Variants in KCNC2 observed in about 807,000 individuals in gnomAD.
KCNC2 encodes the protein potassium voltage-gated channel subfamily C member 2.
In KCNC2, 21 loss-of-function variants were observed where a neutral mutation model predicts 44.5. The observed-to-expected ratio is 0.47, with a 90% CI of 0.33 to 0.68. The LOEUF is 0.68. Among genes scored for constraint, KCNC2 ranks in the 30% least tolerant of loss-of-function variants. The pLI, the probability that KCNC2 is intolerant of heterozygous loss-of-function variation, is 0.01. For synonymous variants in KCNC2, 391 were observed against 339.1 expected (o/e 1.15, Z -1.68); for missense variants, 589 against 826.2 (o/e 0.71, Z 3.52).
intron 4 of KCNC2, among the ~76,000 whole-genome samples, chr12:75,046,541 C>T (rs1354304118): frequency 6.6e-6 from 1 of 151,610 alleles, no homozygotes; most frequent in Non-Finnish European, 1.5e-5. Context: ...ATATACATTG[C>T]ATATAGTGAT....
At chr12:75,129,687 T>C (rs1888692207) in intron 2 of KCNC2, among the ~76,000 whole-genome samples, 1 of 152,116 alleles carries the variant, frequency 6.6e-6, no homozygotes, top group Non-Finnish European at 1.5e-5. Flanking sequence ...GAAATCTCTT[T>C]CATGATGTGG....
chr12:75,148,448 A>G lies in KCNC2; in HGVS notation c.687+58849T>C, dbSNP rs116202336. Among the ~76,000 whole-genome samples, 1,034 of 152,150 alleles carry G rather than the reference A, an allele frequency of 6.8e-3. 10 individuals are homozygous for G. Among genetic ancestry groups the G allele is most frequent in the African/African-American group, 0.023 (968 of 41,566 alleles). ...AGGAGGTCTGCCTGCCCCTAGCTGT[A>G]TAAATGATAAACTGGAAATATTTGT... On this transcript the variant is annotated intron_variant, in intron 2 of 4. Coordinates refer to ENST00000549446, the MANE Select transcript of KCNC2 (RefSeq NM_139137.4).
chr12:75,119,309 AG>A (rs2137278324), intron 2 of KCNC2, among the ~76,000 whole-genome samples: 2 of 152,314 alleles, frequency 1.3e-5, no homozygotes, highest in South Asian at 4.2e-4. Flanking sequence ...TTCAAAATGT[AG>A]GTTTTGTTTA....
intron 2 of KCNC2, among the ~76,000 whole-genome samples, chr12:75,123,583 G>A (rs571334188): frequency 6.6e-6 from 1 of 152,084 alleles, no homozygotes; most frequent in Non-Finnish European, 1.5e-5. Flanking sequence ...TTTTTCCTAG[G>A]GAACATCCCA....
rs564692520 is a variant in KCNC2 at position 75,054,224 on chromosome 12, T to A, written c.688-2907A>T. Among the ~76,000 whole-genome samples, 181 of 149,772 alleles carry A rather than the reference T, an allele frequency of 1.2e-3. 1 individual carries two copies. Among genetic ancestry groups the A allele is most frequent in the Non-Finnish European group, 2.1e-3 (145 of 67,642 alleles). On this transcript the variant is annotated intron_variant, in intron 2 of 4. Transcript: ENST00000549446. ...CTGGGCAACAGAGAGAGACTCTGTC[T>A]CCAATTAAAAAAAAAAAAAACAGCC...
rs972809303 is a variant in KCNC2, at chr12:75,208,142, G to A, written c.-19-140C>T. 7.6e-6 allele frequency: 7 copies of A among 924,906 alleles called. No individual in the cohort carries two copies. The African/African-American group carries it at 1.0e-4, about 14-fold the overall frequency. 57.3% of individuals were successfully genotyped at this position (924,906 alleles called of 1,614,324 possible). ...GGGGCAAAGACCCTCCCCGGGAGGG[G>A]ATCAGCGTCCAGCGCTGTCCCCGCC... On this transcript the variant is annotated intron_variant, in intron 1 of 4. Transcript: ENST00000549446.
rs2030974753 is a variant in KCNC2, at chr12:75,198,608, A to T, written c.687+8689T>A. Among the ~76,000 whole-genome samples the T allele has an allele frequency of 5.3e-5, 8 of 151,986 alleles. No homozygotes were observed. The South Asian group carries it at 1.7e-3, about 31-fold the overall frequency. The stretch of plus-strand genomic sequence containing the variant: ...CCAATTTTACTACTTTTATCTAAAA[A>T]TTAATACATCAACATCGGTAAGGAA... On this transcript the variant is annotated intron_variant, in intron 2 of 4. Transcript: ENST00000549446.
chr12:75,178,564 CA>C (rs556344423), intron 2 of KCNC2, among the ~76,000 whole-genome samples: 25 of 152,000 alleles, frequency 1.6e-4, no homozygotes, highest in Non-Finnish European at 3.2e-4. Flanking sequence ...GTCAAAACCC[CA>C]AATTTGGAAA....
chr12:75,194,340 A>T (rs906423869), intron 2 of KCNC2, among the ~76,000 whole-genome samples: 2 of 152,212 alleles, frequency 1.3e-5, no homozygotes, highest in African/African-American at 4.8e-5. Context: ...ATGGAGATGC[A>T]TCTACAGCCA....
intron 2 of KCNC2, among the ~76,000 whole-genome samples, chr12:75,190,232 C>T (rs1460485821): frequency 2.6e-5 from 4 of 152,206 alleles, no homozygotes; most frequent in African/African-American, 7.2e-5. Context: ...TCTAGGCCCT[C>T]TTTCAATAGC....
At chr12:75,145,585 A>G (rs913004607) in intron 2 of KCNC2, among the ~76,000 whole-genome samples, 3 of 151,872 alleles carry the variant, frequency 2.0e-5, no homozygotes, top group Non-Finnish European at 4.4e-5. Context: ...CCATTCCTTG[A>G]TCATCATCTG....
chr12:75,112,565 T>A (rs1297305467), intron 2 of KCNC2, among the ~76,000 whole-genome samples: 1 of 152,054 alleles, frequency 6.6e-6, no homozygotes, highest in African/African-American at 2.4e-5. Context: ...TCTGATCCAG[T>A]ATTTCCTTTC....
At chr12:75,136,276 G>A in intron 2 of KCNC2, among the ~76,000 whole-genome samples, 1 of 151,220 alleles carries the variant, frequency 6.6e-6, no homozygotes. Context: ...GCACCTCAAG[G>A]AACTAGAAAA....
intron 2 of KCNC2, among the ~76,000 whole-genome samples, chr12:75,159,381 T>A (rs77755271): frequency 0.014 from 2,072 of 151,952 alleles, 56 homozygotes; most frequent in East Asian, 0.065. Flanking sequence ...CAATAAAAGT[T>A]CCTTAAGTTA....
At chr12:75,111,221 A>C (rs1045520279) in intron 2 of KCNC2, among the ~76,000 whole-genome samples, 1 of 152,120 alleles carries the variant, frequency 6.6e-6, no homozygotes, top group African/African-American at 2.4e-5. Context: ...AATATGTTAG[A>C]GTGCATGTAT....
intron 2 of KCNC2, among the ~76,000 whole-genome samples, chr12:75,169,976 A>G (rs1205506869): frequency 6.6e-6 from 1 of 151,712 alleles, no homozygotes. Flanking sequence ...AACATTAGCA[A>G]TAAAATTTGA....
chr12:75,045,432 C>A (rs1027009971), intron 4 of KCNC2, among the ~76,000 whole-genome samples: 12 of 151,818 alleles, frequency 7.9e-5, no homozygotes, highest in African/African-American at 2.4e-4. Context: ...GGCTTCCTTT[C>A]TAATTTAGTA....
intron 2 of KCNC2, among the ~76,000 whole-genome samples, chr12:75,068,882 ATCAGGACAAAT>A (rs1287818425): frequency 6.6e-6 from 1 of 152,166 alleles, no homozygotes; most frequent in Non-Finnish European, 1.5e-5. Flanking sequence ...TTACCATAAC[ATCAGGACAAAT>A]TCAAGGCAAA....
chr12:75,053,458 CAT>C (rs915366357), intron 2 of KCNC2, among the ~76,000 whole-genome samples: 4 of 152,008 alleles, frequency 2.6e-5, no homozygotes, highest in Non-Finnish European at 4.4e-5. Flanking sequence ...ATAAATAAAA[CAT>C]GTGAACAGCC....
Sources: gnomAD v4.1 joint callset for allele counts (sites outside exome capture counted in the v4.1 genomes callset) on GRCh38, gnomAD v4.1.1 for gene constraint, MANE v1.5 for transcripts, NCBI Gene and HGNC (gene_info 2026-07-23, HGNC 2026-07-21) for gene names.